Variants in BTAF1 observed in about 807,000 individuals in gnomAD.
BTAF1 encodes the protein TATA-binding protein-associated factor 172.
In BTAF1, 38 loss-of-function variants were observed where a neutral mutation model predicts 227.1. That is an observed-to-expected ratio of 0.17 (90% CI 0.13 to 0.22). The LOEUF (loss-of-function observed/expected upper bound fraction) is 0.22, where lower values mean the gene tolerates loss of function less well. BTAF1 is among the 10% of genes least tolerant of loss of function. The pLI is 1.00. For missense variants in BTAF1, 1,598 were observed against 2,204.0 expected (o/e 0.73, Z 5.51); for synonymous variants, 742 against 751.9 (o/e 0.99, Z 0.21).
At chr10:92,028,451 A>T (rs1590017212) in intron 37 of BTAF1, among the ~76,000 whole-genome samples, 1 of 152,304 alleles carries the variant, frequency 6.6e-6, no homozygotes, top group East Asian at 1.9e-4. Flanking sequence ...AAAGGACATG[A>T]TGTCTACAAC....
intron 21 of BTAF1, among the ~76,000 whole-genome samples, chr10:91,992,808 A>T (rs1380147225): frequency 5.3e-5 from 8 of 152,204 alleles, no homozygotes; most frequent in African/African-American, 1.9e-4. Context: ...GTGAGGGTCT[A>T]TTCAGGCTTT....
chr10:91,933,897 A>T (rs926044403), intron 1 of BTAF1, among the ~76,000 whole-genome samples: 2 of 152,342 alleles, frequency 1.3e-5, no homozygotes, highest in East Asian at 1.9e-4. Context: ...TATTGGAGAA[A>T]GGATGATTGA....
intron 14 of BTAF1, among the ~76,000 whole-genome samples, chr10:91,972,709 G>A (rs937489268): frequency 1.3e-5 from 2 of 152,188 alleles, no homozygotes; most frequent in Admixed American, 6.5e-5. Context: ...TTGTGGTGCA[G>A]TTCCATGATT....
chr10:91,992,911 C>T (rs1848896879), intron 21 of BTAF1, among the ~76,000 whole-genome samples: 2 of 152,164 alleles, frequency 1.3e-5, no homozygotes, highest in Non-Finnish European at 2.9e-5. Context: ...CTGACAGTCA[C>T]ATTATTAGCA....
At chr10:91,970,901 T>G (rs915714075) in intron 14 of BTAF1, among the ~76,000 whole-genome samples, 1 of 152,244 alleles carries the variant, frequency 6.6e-6, no homozygotes, top group Non-Finnish European at 1.5e-5. Context: ...CCCTCACTTC[T>G]TTTTGATTCA....
intron 8 of BTAF1, among the ~76,000 whole-genome samples, chr10:91,958,426 G>A (rs1373106699): frequency 6.6e-6 from 1 of 152,130 alleles, no homozygotes; most frequent in Admixed American, 6.5e-5. Flanking sequence ...CTTGGGCTGG[G>A]CGTGGTGGCT....
chr10:91,954,646 C>G (rs954124037), intron 6 of BTAF1, among the ~76,000 whole-genome samples: 1 of 152,034 alleles, frequency 6.6e-6, no homozygotes, highest in Non-Finnish European at 1.5e-5. Context: ...CAGCCTCAAA[C>G]TCCCAGGCTC....
At chr10:91,966,234 G>A (rs150546160) in intron 13 of BTAF1, among the ~76,000 whole-genome samples, 2 of 152,308 alleles carry the variant, frequency 1.3e-5, no homozygotes, top group African/African-American at 2.4e-5. Context: ...GTATCTACCC[G>A]TTGGGGTTAG....
At chr10:92,012,092 TCCCCTC>T (rs1267918228) in intron 30 of BTAF1, among the ~76,000 whole-genome samples, 2 of 47,346 alleles carry the variant, frequency 4.2e-5, no homozygotes, top group Non-Finnish European at 8.0e-5. Context: ...CCTCCCTCCC[TCCCCTC>T]CCCCTCCCTC....
At chr10:91,934,493 T>C (rs1024374938) in intron 1 of BTAF1, among the ~76,000 whole-genome samples, 14 of 152,122 alleles carry the variant, frequency 9.2e-5, no homozygotes, top group Non-Finnish European at 1.6e-4. Flanking sequence ...CACCTCCACC[T>C]CCCAAAGTGC....
chr10:91,976,722 A>G (rs568155051), intron 14 of BTAF1, among the ~76,000 whole-genome samples: 2 of 152,350 alleles, frequency 1.3e-5, no homozygotes, highest in South Asian at 2.1e-4. Context: ...CATATTGGCA[A>G]CTATTCCTTA....
chr10:91,989,500 G>C lies in BTAF1; in HGVS notation c.2774G>C (p.Ser925Thr). 2 of 1,613,816 alleles carry C rather than the reference G, an allele frequency of 1.2e-6. No homozygotes were observed. Among genetic ancestry groups the C allele is most frequent in the Non-Finnish European group, 1.7e-6 (2 of 1,180,016 alleles). Residue 925 changes from serine (S) to threonine (T), a missense_variant, in exon 20 of 38, where the codon AGC (serine) becomes ACC (threonine). Ser to Thr is a moderately conservative substitution (Grantham distance 58). This residue lies in a region of BTAF1 where 425 missense variants were observed against 491.2 expected (regional missense o/e 0.87). Coordinates refer to ENST00000265990, the MANE Select transcript of BTAF1 (RefSeq NM_003972.3). ...TCAAAAATTATTAAAAACCTCTGTA[G>C]CTCACTTTGTGTGGACCCATATCTA... Reference protein sequence around the residue: ...PNSKIIKNLCSSLCVDPYLTP... With the variant: ...PNSKIIKNLCTSLCVDPYLTP...
chr10:91,942,151 G>A (rs1408692539), intron 3 of BTAF1, among the ~76,000 whole-genome samples: 1 of 152,146 alleles, frequency 6.6e-6, no homozygotes, highest in East Asian at 1.9e-4. Context: ...AGGCATGGTT[G>A]TGTGCACCTG....
chr10:91,938,988 AAGG>A (rs142067250), intron 2 of BTAF1, among the ~76,000 whole-genome samples: 40,271 of 141,796 alleles, frequency 0.28, 6,794 homozygotes, highest in South Asian at 0.51. Flanking sequence ...AAAAAAAAAA[AAGG>A]GGGGGGGGAT....
chr10:91,951,642 G>C (rs896636132), intron 5 of BTAF1, 76 bp downstream of exon 5: 2 of 1,442,658 alleles, frequency 1.4e-6, no homozygotes, highest in Admixed American at 2.4e-5. Context: ...TGTAATTATA[G>C]TTTAAGAAAA....
Position 91,956,633 on chromosome 10 carries a change from A to AAAGTCTTGATT in BTAF1, c.807_808insAAGTCTTGATT (p.Asp270LysfsTer3). 2 of 1,610,552 alleles carry AAAGTCTTGATT rather than the reference A, an allele frequency of 1.2e-6. No homozygotes were observed. Among genetic ancestry groups the AAAGTCTTGATT allele is most frequent in the South Asian group, 2.2e-5 (2 of 90,644 alleles). ...CCAAAGTCTTGATTGATAATATTCC[A>AAAGTCTTGATT]GACAGCTCTTCCTTAATTGAAGAGG... is the stretch of plus-strand genomic sequence containing the variant. On this transcript the variant is annotated stop_gained and frameshift_variant, in exon 7 of 38. Transcript: ENST00000265990. LOFTEE classifies it high-confidence loss of function.
At chr10:91,951,700 G>A in intron 5 of BTAF1, 134 bp downstream of exon 5, 4 of 952,808 alleles carry the variant, frequency 4.2e-6, no homozygotes, top group South Asian at 4.7e-5. Flanking sequence ...CCATAATTTA[G>A]CATCTTTTTT....
chr10:92,007,548 T>A (rs1850010314), intron 25 of BTAF1, among the ~76,000 whole-genome samples: 1 of 152,176 alleles, frequency 6.6e-6, no homozygotes, highest in African/African-American at 2.4e-5. Flanking sequence ...TAAGTAACAC[T>A]GGCTATTTGA....
At chr10:91,961,089 T>G (rs1433868286) in intron 11 of BTAF1, among the ~76,000 whole-genome samples, 1 of 152,170 alleles carries the variant, frequency 6.6e-6, no homozygotes, top group African/African-American at 2.4e-5. Flanking sequence ...ATAGATCTAG[T>G]GACAGAATTA....
Sources: gnomAD v4.1 joint callset for allele counts (sites outside exome capture counted in the v4.1 genomes callset) on GRCh38, gnomAD v4.1.1 for gene constraint, gnomAD v4.1.1 regional missense constraint, MANE v1.5 for transcripts, NCBI Gene and HGNC (gene_info 2026-07-23, HGNC 2026-07-21) for gene names.